Variants in SLC28A1 observed in about 807,000 individuals in gnomAD.
SLC28A1 encodes the protein solute carrier family 28 member 1.
Under a neutral mutation model 74.8 loss-of-function variants are expected in SLC28A1, and 64 were observed. That is an observed-to-expected ratio of 0.86 (90% CI 0.70 to 1.05). SLC28A1 has a LOEUF of 1.05. Among genes scored for constraint, SLC28A1 ranks in the 50% least tolerant of loss-of-function variants. The pLI, the probability that SLC28A1 is intolerant of heterozygous loss-of-function variation, is 0.00. For missense variants in SLC28A1, 828 were observed against 822.8 expected, an observed-to-expected ratio of 1.01 and a Z score of -0.08; for synonymous variants, 359 against 335.0, an observed-to-expected ratio of 1.07 and a Z score of -0.78.
At position 84,904,173 on chromosome 15, in the gene SLC28A1, G is replaced by A. The variant is rs778085144; in HGVS notation, c.538G>A (p.Val180Met). The change falls in exon 7 of 19, where the codon GTG (valine) becomes ATG (methionine). Residue 180 changes from valine to methionine, a missense_variant. Physicochemically the swap from Val to Met is conservative, Grantham distance 21. Transcript: ENST00000394573. ...CACCTCCCAGCGGCCTGAGCAACTG[G>A]TGTCCTTCGCAGGAATCTGCGTGTT... The part of the protein sequence containing the change: ...LDTSQRPEQL[V>M]SFAGICVFVA... 3.1e-6 allele frequency: 5 copies of A among 1,614,222 alleles called. No individual in the cohort carries two copies. In the South Asian group the frequency reaches 5.5e-5, roughly 18 times the overall value.
intron 6 of SLC28A1, among the ~76,000 whole-genome samples, chr15:84,899,883 T>C (rs896407603): frequency 1.7e-5 from 2 of 120,352 alleles, no homozygotes; most frequent in Non-Finnish European, 3.4e-5. Flanking sequence ...TAGAGGGAGA[T>C]ACTAAGGCAG....
chr15:84,913,866 C>T (rs1050572081), intron 9 of SLC28A1, among the ~76,000 whole-genome samples: 1 of 151,796 alleles, frequency 6.6e-6, no homozygotes, highest in Non-Finnish European at 1.5e-5. Context: ...TCTGTTGAGG[C>T]CCACTTTGCT....
At chr15:84,957,132 A>G in the SLC28A1 span, among the ~76,000 whole-genome samples, 6 of 152,268 alleles carry the variant, frequency 3.9e-5, no homozygotes, top group African/African-American at 1.4e-4. Context: ...ATTACCCTAT[A>G]GTGTAAAATT....
chr15:84,890,133 C>T (rs540497720), intron 4 of SLC28A1, among the ~76,000 whole-genome samples: 3 of 152,212 alleles, frequency 2.0e-5, no homozygotes, highest in Admixed American at 6.5e-5. Flanking sequence ...CCGCGCCCCC[C>T]CACCGGCCAC....
At chr15:84,911,193 C>T (rs1181582102) in intron 9 of SLC28A1, among the ~76,000 whole-genome samples, 2 of 152,232 alleles carry the variant, frequency 1.3e-5, no homozygotes, top group East Asian at 3.9e-4. Context: ...CTGTGTCTGC[C>T]CCCTGGCCAC....
chr15:84,911,131 C>T (rs560098159), intron 9 of SLC28A1, among the ~76,000 whole-genome samples: 15 of 152,058 alleles, frequency 9.9e-5, no homozygotes, highest in African/African-American at 3.4e-4. Context: ...AGAGCGCCTT[C>T]CCCCGCCCAC....
At chr15:84,905,963 AC>A (rs10713578) in intron 8 of SLC28A1, among the ~76,000 whole-genome samples, 87,119 of 149,204 alleles carry the variant, frequency 0.58, 25,591 homozygotes, top group South Asian at 0.69. Context: ...CAAATGATTT[AC>A]TTCTGTGTGT....
At chr15:84,893,092 C>A (rs1362304558) in intron 5 of SLC28A1, among the ~76,000 whole-genome samples, 2 of 147,190 alleles carry the variant, frequency 1.4e-5, no homozygotes, top group Non-Finnish European at 3.1e-5. Context: ...TCCTGGCCCG[C>A]CCCGACCACA....
chr15:84,891,927 T>C (rs1458500307), intron 5 of SLC28A1, among the ~76,000 whole-genome samples: 1 of 151,304 alleles, frequency 6.6e-6, no homozygotes, highest in African/African-American at 2.4e-5. Context: ...GAATGGGAGA[T>C]GAAGAGATGT....
the SLC28A1 span, among the ~76,000 whole-genome samples, chr15:84,956,468 C>CTTTCTTTCTTTCTTTCTTTCT: frequency 1.5e-5 from 1 of 67,054 alleles, no homozygotes; most frequent in Admixed American, 1.8e-4. Context: ...TCTTTCTTTC[C>CTTTCTTTCTTTCTTTCTTTCT]TTCTTTCTTT....
chr15:84,887,299 T>A lies in SLC28A1; in HGVS notation c.-16-446T>A, dbSNP rs958045496. On this transcript the variant is annotated intron_variant, in intron 2 of 18. Coordinates refer to ENST00000394573, the MANE Select transcript of SLC28A1 (RefSeq NM_004213.5). Reference sequence around the variant, plus strand: ...AGATACATATGCAGGCTGTATATAATTCTTTACTTTCCTTCCCTATGAAGT... The same window carrying A: ...AGATACATATGCAGGCTGTATATAAATCTTTACTTTCCTTCCCTATGAAGT... 6.3e-6 allele frequency: 6 copies of A among 956,744 alleles called. No homozygotes were observed. The African/African-American group carries it at 1.1e-4, about 17-fold the overall frequency. 59.3% of individuals were successfully genotyped at this position (956,744 alleles called of 1,614,324 possible). A position where few individuals can be genotyped will look rare whatever the true frequency, so the allele number is the denominator to read the frequency against.
Position 84,895,116 on chromosome 15 carries a change from T to A in SLC28A1, c.454T>A (p.Phe152Ile), listed in dbSNP as rs992190414. ...GGGCCATCCCCGCCTGCTGCTCTGG[T>A]TTAAGAGGTGAGTGAGCTCACAGCC... ...PQGHPRLLLW[F>I]KRGLALAAFL... The change falls in exon 6 of 19, where the codon TTT becomes ATT. Residue 152 changes from phenylalanine to isoleucine, a missense_variant. Physicochemically the swap from Phe to Ile is conservative, Grantham distance 21. Around this residue, in one of 3 missense-constraint regions of SLC28A1, gnomAD observed 767 missense variants for 753.5 expected, o/e 1.02. Transcript: ENST00000394573. 1.4e-5 allele frequency: 22 copies of A among 1,613,606 alleles called. No individual in the cohort carries two copies. The highest frequency in any genetic ancestry group is 1.8e-5 in the Non-Finnish European group (21 of 1,179,878).
chr15:84,952,411 C>T, the SLC28A1 span, among the ~76,000 whole-genome samples: 1 of 152,314 alleles, frequency 6.6e-6, no homozygotes, highest in African/African-American at 2.4e-5. Flanking sequence ...TGCTGCTACA[C>T]ACTCTCCTAC....
At chr15:84,912,494 G>A (rs911770019) in intron 9 of SLC28A1, among the ~76,000 whole-genome samples, 3 of 152,108 alleles carry the variant, frequency 2.0e-5, no homozygotes, top group African/African-American at 7.2e-5. Flanking sequence ...CACAGTGGAC[G>A]TGGCAGTCAC....
At chr15:84,913,893 G>C (rs72754923) in intron 9 of SLC28A1, among the ~76,000 whole-genome samples, 1 of 152,312 alleles carries the variant, frequency 6.6e-6, no homozygotes, top group Non-Finnish European at 1.5e-5. Context: ...CTACTTGGTC[G>C]TCTGTGTCCT....
the SLC28A1 span, among the ~76,000 whole-genome samples, chr15:84,972,602 G>C: frequency 6.6e-6 from 1 of 152,180 alleles, no homozygotes; most frequent in African/African-American, 2.4e-5. Context: ...TCTAGCCACA[G>C]CCTTTGCAAC....
At chr15:84,946,481 C>T (rs555956172), downstream of SLC28A1, among the ~76,000 whole-genome samples, 2 of 151,894 alleles carry the variant, frequency 1.3e-5, no homozygotes, top group East Asian at 1.9e-4. Context: ...GTTGAGGAAT[C>T]GGAGTCGCGG....
At chr15:84,903,743 G>A (rs1375352039) in intron 6 of SLC28A1, among the ~76,000 whole-genome samples, 2 of 152,230 alleles carry the variant, frequency 1.3e-5, no homozygotes, top group African/African-American at 4.8e-5. Flanking sequence ...CATCACTGCA[G>A]CGGTGAGATT....
At position 84,894,988 on chromosome 15, in the gene SLC28A1, C is replaced by T. The variant is rs1965804339; in HGVS notation, c.326C>T (p.Ala109Val). 1 of 1,614,182 alleles carries T rather than the reference C, an allele frequency of 6.2e-7. No individual in the cohort carries two copies. Among genetic ancestry groups the T allele is most frequent in the African/African-American group, 1.3e-5 (1 of 75,038 alleles). The part of the protein sequence containing the change: ...LVACLLDFQR[A>V]LALFVLTCVV... Reference sequence around the variant, plus strand: ...GCCTGCCTCCTGGATTTCCAGAGGGCCCTGGCTCTGTTTGTCCTCACCTGT... The same window carrying T: ...GCCTGCCTCCTGGATTTCCAGAGGGTCCTGGCTCTGTTTGTCCTCACCTGT... Residue 109 changes from alanine to valine, a missense_variant, in exon 6 of 19, where the codon GCC (alanine) becomes GTC (valine). Ala to Val is a moderately conservative substitution (Grantham distance 64). This residue lies in a region of SLC28A1 where 767 missense variants were observed against 753.5 expected (regional missense o/e 1.02). Coordinates refer to ENST00000394573, the MANE Select transcript of SLC28A1 (RefSeq NM_004213.5).
Sources: allele counts gnomAD v4.1 joint callset (sites outside exome capture counted in the v4.1 genomes callset), GRCh38; gene constraint gnomAD v4.1.1; regional missense constraint gnomAD v4.1.1; transcripts MANE v1.5; gene names NCBI Gene and HGNC (gene_info 2026-07-23, HGNC 2026-07-21).